NWD1: variants seen among roughly 807,000 people sequenced by gnomAD.
The protein encoded by NWD1 is NACHT domain- and WD repeat-containing protein 1.
Under a neutral mutation model 135.1 loss-of-function variants are expected in NWD1, and 129 were observed. The observed-to-expected ratio is 0.96, with a 90% CI of 0.83 to 1.11. The LOEUF is 1.11. Ranked by LOEUF, NWD1 falls within the 50% of genes least tolerant of loss-of-function variation. The pLI, the probability that NWD1 is intolerant of heterozygous loss-of-function variation, is 0.00. For synonymous variants in NWD1, 773 were observed against 786.0 expected (o/e 0.98, Z 0.28); for missense variants, 1,740 against 1,851.3 (o/e 0.94, Z 1.10).
chr19:16,791,572 C>A lies in NWD1; in HGVS notation c.3163C>A (p.Gln1055Lys). ...EETPTCAVSV[Q>K]KQGKLVTGFS... is the part of the protein sequence containing the mutation. The stretch of plus-strand genomic sequence containing the variant: ...AACACCTACCTGTGCCGTCTCAGTC[C>A]AGAAGCAAGGAAAGCTTGTTACCGG... The change falls in exon 14 of 19, where the codon CAG becomes AAG. Residue 1055 changes from glutamine (Q) to lysine (K), a missense_variant. Transcript: ENST00000524140. 6.2e-7 allele frequency: 1 copy of A among 1,614,204 alleles called. No individual in the cohort carries two copies. The highest frequency in any genetic ancestry group is 1.1e-5 in the South Asian group (1 of 91,088).
In NWD1 at chr19:16,749,465, C is replaced by T. The variant is rs752549089; in HGVS notation, c.823C>T (p.His275Tyr). Residue 275 changes from histidine to tyrosine, a missense_variant, in exon 6 of 19, where the codon CAC (histidine) becomes TAC (tyrosine). Physicochemically the swap from His to Tyr is moderately conservative, Grantham distance 83 (BLOSUM62 2). Coordinates refer to ENST00000524140, the MANE Select transcript of NWD1 (RefSeq NM_001007525.5). The part of the protein sequence containing the change: ...LGEQFVVRAN[H>Y]QVLTRLRELD... ...TGAGCAGTTTGTGGTGAGGGCCAAT[C>T]ACCAGGTCCTCACACGCCTCCGTGA... 2 of 1,612,722 alleles carry T rather than the reference C, an allele frequency of 1.2e-6. No homozygotes were observed. The highest frequency in any genetic ancestry group is 8.5e-7 in the Non-Finnish European group (1 of 1,178,888).
chr19:16,780,793 G>A (rs1471705435), intron 12 of NWD1, among the ~76,000 whole-genome samples: 1 of 152,074 alleles, frequency 6.6e-6, no homozygotes, highest in Non-Finnish European at 1.5e-5. Flanking sequence ...GAGTAGCTGG[G>A]ACTGCAGGCA....
intron 6 of NWD1, among the ~76,000 whole-genome samples, chr19:16,756,049 T>A (rs1367129605): frequency 6.6e-6 from 1 of 152,144 alleles, no homozygotes; most frequent in Non-Finnish European, 1.5e-5. Flanking sequence ...CAGACTGTAT[T>A]CCTACAACAA....
intron 17 of NWD1, among the ~76,000 whole-genome samples, chr19:16,804,992 G>A (rs201268907): frequency 6.6e-6 from 1 of 150,424 alleles, no homozygotes; most frequent in East Asian, 2.0e-4. Context: ...CTGACTCCTG[G>A]AGACTTTAAA....
At chr19:16,753,250 G>A (rs1968649040) in intron 6 of NWD1, among the ~76,000 whole-genome samples, 1 of 152,178 alleles carries the variant, frequency 6.6e-6, no homozygotes, top group South Asian at 2.1e-4. Flanking sequence ...ATATTTCTGT[G>A]ACCAGGTGCC....
At chr19:16,744,779 T>A in intron 5 of NWD1, 61 bp downstream of exon 5, 1 of 1,401,256 alleles carries the variant, frequency 7.1e-7, no homozygotes, top group Non-Finnish European at 9.8e-7. Context: ...GTTCAGAATA[T>A]CCATCCCCTG....
chr19:16,778,745 G>T (rs957826399), intron 11 of NWD1, among the ~76,000 whole-genome samples: 1 of 152,138 alleles, frequency 6.6e-6, no homozygotes, highest in Non-Finnish European at 1.5e-5. Context: ...CTGACCTCAA[G>T]TGATCCGCCC....
Position 16,724,432 on chromosome 19 carries a change from C to T in NWD1, c.-38C>T, listed in dbSNP as rs1056326760. The T allele has an allele frequency of 6.6e-6, 1 of 152,150 alleles. No individual in the cohort carries two copies. The highest frequency in any genetic ancestry group is 1.9e-4 in the East Asian group (1 of 5,186). The allele number at this position is 152,150 out of a possible 1,614,324, so 9.4% of individuals were successfully genotyped here. On this transcript the variant is annotated 5_prime_UTR_variant, in exon 2 of 19. Coordinates refer to ENST00000524140, the MANE Select transcript of NWD1 (RefSeq NM_001007525.5). ...GTCCTCCAGGAGGGCGATGGAGGAG[C>T]CGGCATTCCAACCAGGCTCACGGAT... is the stretch of plus-strand genomic sequence containing the variant.
At chr19:16,739,724 T>C (rs878506) in intron 4 of NWD1, among the ~76,000 whole-genome samples, 7,508 of 152,158 alleles carry the variant, frequency 0.049, 216 homozygotes, top group Middle Eastern at 0.092. Flanking sequence ...AATAAGTCAT[T>C]AGGCAGCACC....
chr19:16,738,972 A>G (rs1470889686), intron 4 of NWD1, among the ~76,000 whole-genome samples: 2 of 148,258 alleles, frequency 1.3e-5, no homozygotes, highest in Non-Finnish European at 3.0e-5. Context: ...GACTGAAGCA[A>G]TCCTCCAGCC....
Position 16,773,166 on chromosome 19 carries a change from T to G in NWD1, c.2451T>G (p.His817Gln). 6.2e-7 allele frequency: 1 copy of G among 1,613,904 alleles called. No homozygotes were observed. Among genetic ancestry groups the G allele is most frequent in the Non-Finnish European group, 8.5e-7 (1 of 1,180,024 alleles). The change falls in exon 11 of 19, where the codon CAT becomes CAG. Residue 817 changes from histidine to glutamine, a missense_variant. Coordinates refer to ENST00000524140, the MANE Select transcript of NWD1 (RefSeq NM_001007525.5). ...ACACAGAACTGCTGGCCAGACTCCA[T>G]TTCTTCGCCACCTCACATCCAGCAC... ...LLYTELLARL[H>Q]FFATSHPALV...
intron 11 of NWD1, among the ~76,000 whole-genome samples, chr19:16,775,053 G>A (rs1302888651): frequency 6.6e-6 from 1 of 152,124 alleles, no homozygotes; most frequent in African/African-American, 2.4e-5. Context: ...CACACTGATT[G>A]TGAGACCACT....
chr19:16,799,789 T>C, intron 16 of NWD1, 97 bp from the exon 17 acceptor site: 1 of 1,170,546 alleles, frequency 8.5e-7, no homozygotes, highest in East Asian at 2.4e-5. Context: ...ATTACAGGCG[T>C]GAGCCACCGC....
chr19:16,794,662 C>T, intron 15 of NWD1, 109 bp downstream of exon 15: 1 of 763,402 alleles, frequency 1.3e-6, no homozygotes, highest in South Asian at 1.5e-5. Context: ...AGGTTAGCAA[C>T]GTTTTCTGCC....
Position 16,795,076 on chromosome 19 carries a change from G to A in NWD1, c.3304+523G>A, listed in dbSNP as rs114545667. ...GGATTACACAGGCGTGAGCCATTGCGCCCAGCCCTTTCTTTCCTTTTGATG... is the reference window on the plus strand; with the variant it reads ...GGATTACACAGGCGTGAGCCATTGCACCCAGCCCTTTCTTTCCTTTTGATG... On this transcript the variant is annotated intron_variant, in intron 15 of 18. Coordinates refer to ENST00000524140, the MANE Select transcript of NWD1 (RefSeq NM_001007525.5). Among the ~76,000 whole-genome samples the A allele has an allele frequency of 3.5e-3, 530 of 152,306 alleles. 3 individuals carry two copies. The highest frequency in any genetic ancestry group is 0.012 in the African/African-American group (501 of 41,578).
chr19:16,763,727 A>G, intron 8 of NWD1, 101 bp from the exon 9 acceptor site: 1 of 759,492 alleles, frequency 1.3e-6, no homozygotes, highest in South Asian at 1.5e-5. Context: ...ATTCTCGTCC[A>G]CTCCAGCACT....
intron 4 of NWD1, among the ~76,000 whole-genome samples, chr19:16,739,702 G>T (rs1968002015): frequency 6.6e-6 from 1 of 152,142 alleles, no homozygotes; most frequent in African/African-American, 2.4e-5. Flanking sequence ...TTGGAGAGGT[G>T]TCTCTCTGGT....
chr19:16,772,979 G>A lies in NWD1; in HGVS notation c.2411-147G>A, dbSNP rs1969466889. On this transcript the variant is annotated intron_variant, in intron 10 of 18. Coordinates refer to ENST00000524140, the MANE Select transcript of NWD1 (RefSeq NM_001007525.5). ...GTAAGTGTGTCTGGAGAGCAGAGAA[G>A]GAGACAGGAGCGGACAGCAGAGGCC... The A allele has an allele frequency of 1.6e-5, 11 of 682,482 alleles. No homozygotes were observed. In the Admixed American group the frequency reaches 2.1e-4, roughly 13 times the overall value. The allele number at this position is 682,482 out of a possible 1,614,324, so 42.3% of individuals were successfully genotyped here.
At chr19:16,764,075 A>G in intron 9 of NWD1, 130 bp downstream of exon 9, 1 of 625,756 alleles carries the variant, frequency 1.6e-6, no homozygotes, top group South Asian at 1.8e-5. Flanking sequence ...GGTTCTCACA[A>G]GGGGCAATTC....
Sources: gnomAD v4.1 joint callset for allele counts (sites outside exome capture counted in the v4.1 genomes callset) on GRCh38, gnomAD v4.1.1 for gene constraint, MANE v1.5 for transcripts, NCBI Gene and HGNC (gene_info 2026-07-23, HGNC 2026-07-21) for gene names.